Variants in ZFYVE19 observed in about 807,000 individuals in gnomAD.
ZFYVE19 encodes the protein abscission/NoCut checkpoint regulator.
A neutral mutation model predicts 62.8 loss-of-function variants in ZFYVE19; 49 were observed. The observed-to-expected ratio is 0.78, with a 90% CI of 0.62 to 0.99. The LOEUF is 0.99. Among genes scored for constraint, ZFYVE19 ranks in the 50% least tolerant of loss-of-function variants. ZFYVE19 has a pLI of 0.00. For synonymous variants in ZFYVE19, 242 were observed against 234.3 expected, an observed-to-expected ratio of 1.03 and a Z score of -0.30; for missense variants, 630 against 601.9, an observed-to-expected ratio of 1.05 and a Z score of -0.49.
rs1890407816 is a variant in ZFYVE19 at position 40,809,470 on chromosome 15, AG to A, written c.452+13del. On this transcript the variant is annotated intron_variant, in intron 3 of 10. Transcript: ENST00000355341. ...CAGAACTATAAGAAGTAAGTGCTGA[AG>A]AGAAAAAGACAAAGAGCATTGGGGA... The A allele has an allele frequency of 6.2e-7, 1 of 1,614,012 alleles. No individual in the cohort carries two copies. Among genetic ancestry groups the A allele is most frequent in the Non-Finnish European group, 8.5e-7 (1 of 1,179,872 alleles).
At position 40,807,685 on chromosome 15, in the gene ZFYVE19, A is replaced by G. The variant is rs1375398548; in HGVS notation, c.96A>G (p.Thr32=). 2 of 1,591,574 alleles carry G rather than the reference A, an allele frequency of 1.3e-6. No individual in the cohort carries two copies. Among genetic ancestry groups the G allele is most frequent in the South Asian group, 2.2e-5 (2 of 90,124 alleles). Reference sequence around the variant, plus strand: ...TCCCTGCTCTAGGTCGCGGCGGGACAGTGCCAGTGGGCGTGTGGGGCGGGG... The same window carrying G: ...TCCCTGCTCTAGGTCGCGGCGGGACGGTGCCAGTGGGCGTGTGGGGCGGGG... ...SGFPALGRGG[T]VPVGVWGGAG... is the part of the protein sequence containing the mutation. Residue 32 remains threonine, a synonymous_variant, in exon 1 of 11, where the codon ACA becomes ACG. Coordinates refer to ENST00000355341, the MANE Select transcript of ZFYVE19 (RefSeq NM_001077268.2).
At chr15:40,811,096 T>A (rs1596116600) in intron 6 of ZFYVE19, 2 of 302,712 alleles carry the variant, frequency 6.6e-6, no homozygotes, top group South Asian at 6.4e-5. Context: ...GTAAACGAGA[T>A]AATCCAATAA....
rs201881696 is a variant in ZFYVE19 at position 40,810,065 on chromosome 15, T to C, written c.572-6T>C. 14 of 1,614,172 alleles carry C rather than the reference T, an allele frequency of 8.7e-6. No individual in the cohort carries two copies. The highest frequency in any genetic ancestry group is 7.7e-5 in the South Asian group (7 of 91,084). On this transcript the variant is annotated splice_polypyrimidine_tract_variant and splice_region_variant and intron_variant, in intron 4 of 10. Transcript: ENST00000355341. ...CCTTACAAGGCTCCCCCCATGCCAA[T>C]TGCAGAGTTAGTCCCCTCACAGGCA...
At position 40,813,743 on chromosome 15, in the gene ZFYVE19, A is replaced by C; in HGVS notation, c.1141A>C (p.Ser381Arg). The C allele has an allele frequency of 1.9e-6, 3 of 1,614,090 alleles. No individual in the cohort carries two copies. Among genetic ancestry groups the C allele is most frequent in the African/African-American group, 1.3e-5 (1 of 75,032 alleles). The change falls in exon 9 of 11, where the codon AGT becomes CGT. Residue 381 changes from serine to arginine, a missense_variant. Coordinates refer to ENST00000355341, the MANE Select transcript of ZFYVE19 (RefSeq NM_001077268.2). The part of the protein sequence containing the change: ...LTEEASLDEA[S>R]GFNIPAEQAS... ...TGAAGAAGCTTCCCTGGATGAGGCA[A>C]GTGGCTTTAACATCCCTGCAGAGCA...
chr15:40,810,609 G>T (rs185032983), intron 5 of ZFYVE19, 40 bp from the exon 6 acceptor site: 1 of 1,550,910 alleles, frequency 6.4e-7, no homozygotes, highest in South Asian at 1.2e-5. Flanking sequence ...CTGCTTCTGG[G>T]CTACCCCTGC....
At chr15:40,812,995 G>C (rs1263858601) in intron 7 of ZFYVE19, 93 bp downstream of exon 7, 1 of 1,389,026 alleles carries the variant, frequency 7.2e-7, no homozygotes, top group Non-Finnish European at 9.9e-7. Flanking sequence ...TGCGCCCAGA[G>C]ATCTACTGAG....
At chr15:40,808,626 A>G (rs1334252156) in intron 1 of ZFYVE19, 1 of 412,162 alleles carries the variant, frequency 2.4e-6, no homozygotes, top group Non-Finnish European at 4.4e-6. Context: ...TAAGTAAAAT[A>G]ATGTGTGTAA....
At position 40,807,170 on chromosome 15, in the gene ZFYVE19, G is replaced by A; in HGVS notation, c.-420G>A. ...AGCCACCCGGCGCGAAGAGCCCTCTGTACCCCGCTTCCTCTTGAGGCCCTC... is the reference window on the plus strand; with the variant it reads ...AGCCACCCGGCGCGAAGAGCCCTCTATACCCCGCTTCCTCTTGAGGCCCTC... On this transcript the variant is annotated 5_prime_UTR_variant, in exon 1 of 11. Transcript: ENST00000355341. 2 of 1,366,676 alleles carry A rather than the reference G, an allele frequency of 1.5e-6. No homozygotes were observed. The highest frequency in any genetic ancestry group is 5.0e-5 in the East Asian group (2 of 39,892). The allele number at this position is 1,366,676 out of a possible 1,614,324, so 84.7% of individuals were successfully genotyped here.
intron 3 of ZFYVE19, 49 bp from the exon 4 acceptor site, chr15:40,809,803 A>T: frequency 6.3e-7 from 1 of 1,586,194 alleles, no homozygotes; most frequent in Non-Finnish European, 8.6e-7. Context: ...GGGTGCCTTC[A>T]CTCTTCCCCT....
In ZFYVE19 at chr15:40,813,528, C is replaced by G; in HGVS notation, c.1110+111C>G. The G allele has an allele frequency of 1.5e-5, 20 of 1,293,778 alleles. No individual in the cohort carries two copies. In the South Asian group the frequency reaches 2.7e-4, roughly 18 times the overall value. The allele number at this position is 1,293,778 out of a possible 1,614,324, so 80.1% of individuals were successfully genotyped here. ...CTGTGAAGCTCCTGTTCTCTTTGGGCCCCCTCCTGTGACCCAGACCCAGAC... is the reference window on the plus strand; with the variant it reads ...CTGTGAAGCTCCTGTTCTCTTTGGGGCCCCTCCTGTGACCCAGACCCAGAC... On this transcript the variant is annotated intron_variant, in intron 8 of 10. Transcript: ENST00000355341.
chr15:40,811,122 C>A, intron 6 of ZFYVE19: 4 of 284,848 alleles, frequency 1.4e-5, no homozygotes, highest in South Asian at 1.1e-4. Flanking sequence ...TGGGAACATA[C>A]CTGACTCATA....
Position 40,814,447 on chromosome 15 carries a change from A to G in ZFYVE19, c.*221A>G. 1.7e-6 allele frequency: 1 copy of G among 599,138 alleles called. No homozygotes were observed. Among genetic ancestry groups the G allele is most frequent in the Non-Finnish European group, 2.9e-6 (1 of 342,096 alleles). The allele number at this position is 599,138 out of a possible 1,614,324, so 37.1% of individuals were successfully genotyped here. ...CCTCCTATTAGAAGCCCAGACTGGA[A>G]GTGAGAGGCATGATGGGGAGAGACC... On this transcript the variant is annotated 3_prime_UTR_variant, in exon 11 of 11. Transcript: ENST00000355341.
At chr15:40,807,957 C>A in intron 1 of ZFYVE19, 89 bp downstream of exon 1, 1 of 1,464,104 alleles carries the variant, frequency 6.8e-7, no homozygotes, top group Non-Finnish European at 9.3e-7. Context: ...GGTCTTACGG[C>A]TCCTTTCCAG....
rs781696846 is a variant in ZFYVE19 at position 40,810,663 on chromosome 15, G to A, written c.732G>A (p.Pro244=). 27 of 1,570,308 alleles carry A rather than the reference G, an allele frequency of 1.7e-5. No individual in the cohort carries two copies. The East Asian group carries it at 2.8e-4, about 16-fold the overall frequency. The change falls in exon 6 of 11, where the codon CCG becomes CCA. Residue 244 remains proline, a synonymous_variant. Transcript: ENST00000355341. ...SQTPQPAHHT[P]DTRTQAQQTQ... is the part of the protein sequence containing the mutation. ...CGTCTGTGCAGGCACATCACACACC[G>A]GACACCAGGACCCAAGCCCAGCAGA... is the stretch of plus-strand genomic sequence containing the variant.
Position 40,813,335 on chromosome 15 carries a change from A to T in ZFYVE19, c.1031-3A>T, listed in dbSNP as rs748639264. ...CCCCTGTTCCCATGTCTCCCTCTTC[A>T]AGTGACCCTCCAGGACTATCGCCTC... On this transcript the variant is annotated splice_region_variant and splice_polypyrimidine_tract_variant and intron_variant, in intron 7 of 10. Transcript: ENST00000355341. 1.2e-6 allele frequency: 2 copies of T among 1,613,350 alleles called. No homozygotes were observed. Among genetic ancestry groups the T allele is most frequent in the East Asian group, 4.5e-5 (2 of 44,864 alleles).
Position 40,807,326 on chromosome 15 carries a change from C to A in ZFYVE19, c.-264C>A. 6.2e-7 allele frequency: 1 copy of A among 1,614,210 alleles called. No individual in the cohort carries two copies. Among genetic ancestry groups the A allele is most frequent in the Non-Finnish European group, 8.5e-7 (1 of 1,180,020 alleles). On this transcript the variant is annotated 5_prime_UTR_variant, in exon 1 of 11. Coordinates refer to ENST00000355341, the MANE Select transcript of ZFYVE19 (RefSeq NM_001077268.2). Reference sequence around the variant, plus strand: ...GCCGAGGCGCTAGGACAGGAAGGACCGCCAGACCTCTCAAGATCAGCCTTC... The same window carrying A: ...GCCGAGGCGCTAGGACAGGAAGGACAGCCAGACCTCTCAAGATCAGCCTTC...
At chr15:40,809,787 G>A (rs1379802366) in intron 3 of ZFYVE19, 65 bp from the exon 4 acceptor site, 3 of 1,518,570 alleles carry the variant, frequency 2.0e-6, no homozygotes, top group Non-Finnish European at 1.8e-6. Context: ...ATGGGAAACA[G>A]TGAGTGGGTG....
At chr15:40,813,898 C>G in intron 9 of ZFYVE19, 45 bp from the exon 10 acceptor site, 1 of 1,591,414 alleles carries the variant, frequency 6.3e-7, no homozygotes, top group Non-Finnish European at 8.6e-7. Context: ...GCTCACATAC[C>G]CCACTGGGTA....
chr15:40,810,882 C>A, intron 6 of ZFYVE19, 125 bp downstream of exon 6: 1 of 1,289,100 alleles, frequency 7.8e-7, no homozygotes. Context: ...TAAGAGTTAC[C>A]ATTCATTGAG....
Sources: gnomAD v4.1 joint callset for allele counts on GRCh38, gnomAD v4.1.1 for gene constraint, MANE v1.5 for transcripts, NCBI Gene and HGNC (gene_info 2026-07-23, HGNC 2026-07-21) for gene names.